Variants in ACAP1 observed in about 807,000 individuals in gnomAD.
ACAP1 encodes the protein arf-GAP with coiled-coil, ANK repeat and PH domain-containing protein 1.
ACAP1 carries 45 observed loss-of-function variants against 98.8 expected under a neutral mutation model. The observed-to-expected ratio is 0.46, with a 90% CI of 0.36 to 0.58. The LOEUF (loss-of-function observed/expected upper bound fraction) is 0.58. ACAP1 is among the 20% of genes least tolerant of loss of function. The pLI is 0.00. For synonymous variants in ACAP1, 362 were observed against 375.3 expected (o/e 0.96, Z 0.41); for missense variants, 735 against 971.4 (o/e 0.76, Z 3.24).
Position 7,350,539 on chromosome 17 carries a change from G to A in ACAP1, c.2072+302G>A. 1 of 481,060 alleles carries A rather than the reference G, an allele frequency of 2.1e-6. No homozygotes were observed. Among genetic ancestry groups the A allele is most frequent in the Non-Finnish European group, 3.7e-6 (1 of 268,118 alleles). 29.8% of individuals were successfully genotyped at this position (481,060 alleles called of 1,614,324 possible). A position where few individuals can be genotyped will look rare whatever the true frequency, so the allele number is the denominator to read the frequency against. On this transcript the variant is annotated intron_variant, in intron 20 of 21. Transcript: ENST00000158762. The surrounding 1 kb of genome is among the most constrained non-coding windows in gnomAD (Gnocchi z 4.6). ...TCTTTTTAGCACTAGACGTGACCCC[G>A]GGGGTGGGGGCAGATGAACGGAACG... is the stretch of plus-strand genomic sequence containing the variant.
At chr17:7,346,125 GAAC>G (rs1436997136) in intron 10 of ACAP1, 116 bp from the exon 11 acceptor site, 4 of 900,014 alleles carry the variant, frequency 4.4e-6, no homozygotes, top group Non-Finnish European at 5.6e-6. Context: ...ATGTCTCGTG[GAAC>G]AGTCAGCCCA....
chr17:7,351,213 T>G (rs1435560019), intron 21 of ACAP1, 82 bp from the exon 22 acceptor site: 23 of 1,264,414 alleles, frequency 1.8e-5, no homozygotes, highest in African/African-American at 3.0e-5. Context: ...GAGCGCGAGG[T>G]CCCCAGGTGG....
In ACAP1 at chr17:7,343,200, C is replaced by T; in HGVS notation, c.345-179C>T. ...CTCTTCCCATGGCCACAGGAGCCTC[C>T]CCAGTGACGGAGTTGTGAGATTGGG... On this transcript the variant is annotated intron_variant, in intron 5 of 21. Transcript: ENST00000158762. This position sits in a 1 kb window ranked among gnomAD's most constrained non-coding sequence, Gnocchi z 4.9. 1.7e-6 allele frequency: 1 copy of T among 590,580 alleles called. No individual in the cohort carries two copies. Among genetic ancestry groups the T allele is most frequent in the Non-Finnish European group, 2.9e-6 (1 of 348,382 alleles). The allele number at this position is 590,580 out of a possible 1,614,324, so 36.6% of individuals were successfully genotyped here.
chr17:7,348,823 G>C (rs2073374134), intron 17 of ACAP1, 172 bp from the exon 18 acceptor site: 1 of 636,184 alleles, frequency 1.6e-6, no homozygotes, highest in Non-Finnish European at 2.7e-6. Flanking sequence ...TCGTACACAT[G>C]CATACGCATA....
chr17:7,337,190 G>A (rs1447432369), intron 1 of ACAP1, 122 bp from the exon 2 acceptor site: 10 of 885,604 alleles, frequency 1.1e-5, no homozygotes, highest in African/African-American at 6.6e-5. Context: ...TGGGTGGGGG[G>A]CGAGCCTCTC....
chr17:7,348,796 C>T, intron 17 of ACAP1, 199 bp from the exon 18 acceptor site: 1 of 598,026 alleles, frequency 1.7e-6, no homozygotes, highest in Non-Finnish European at 2.9e-6. Context: ...GCCGTCTCTC[C>T]CCCACACCCT....
intron 3 of ACAP1, 36 bp downstream of exon 3, chr17:7,342,103 C>T (rs925894701): frequency 3.1e-6 from 5 of 1,611,678 alleles, no homozygotes; most frequent in Non-Finnish European, 4.2e-6. Flanking sequence ...GGGAAGGGGT[C>T]TGGGATGAGG....
In ACAP1 at chr17:7,336,538, T is replaced by A; in HGVS notation, c.-197T>A. 5.7e-5 allele frequency: 31 copies of A among 539,724 alleles called. No homozygotes were observed. The highest frequency in any genetic ancestry group is 5.5e-4 in the Middle Eastern group (1 of 1,804). The allele number at this position is 539,724 out of a possible 1,614,324, so 33.4% of individuals were successfully genotyped here. ...CGCCCCTGCCCCTCCCAGCACTGCC[T>A]GGAAGTGTGGGGTGAGAGCTCCTCC... On this transcript the variant is annotated 5_prime_UTR_variant, in exon 1 of 22. Transcript: ENST00000158762.
intron 21 of ACAP1, 103 bp from the exon 22 acceptor site, chr17:7,351,192 A>T: frequency 8.5e-7 from 1 of 1,170,764 alleles, no homozygotes; most frequent in Non-Finnish European, 1.2e-6. Flanking sequence ...GCACGTTCCC[A>T]CCCAGGCTCG....
At chr17:7,347,816 G>C (rs867731012) in intron 14 of ACAP1, 106 bp from the exon 15 acceptor site, 2 of 916,958 alleles carry the variant, frequency 2.2e-6, no homozygotes, top group Non-Finnish European at 3.5e-6. Flanking sequence ...ACCTCTGCAC[G>C]GGCCCCCATG....
chr17:7,350,461 T>C lies in ACAP1; in HGVS notation c.2072+224T>C. On this transcript the variant is annotated intron_variant, in intron 20 of 21. Coordinates refer to ENST00000158762, the MANE Select transcript of ACAP1 (RefSeq NM_014716.4). This position sits in a 1 kb window ranked among gnomAD's most constrained non-coding sequence, Gnocchi z 4.6. The stretch of plus-strand genomic sequence containing the variant: ...CGGGAGGGCGGGCAGGGTGCAAGGA[T>C]GCTTGGCCCACCCTGAGAGGCGTAA... The C allele has an allele frequency of 3.5e-6, 2 of 578,744 alleles. No homozygotes were observed. The highest frequency in any genetic ancestry group is 5.7e-5 in the East Asian group (2 of 34,886). The allele number at this position is 578,744 out of a possible 1,614,324, so 35.9% of individuals were successfully genotyped here.
chr17:7,347,370 C>T, intron 14 of ACAP1, 128 bp downstream of exon 14: 1 of 977,126 alleles, frequency 1.0e-6, no homozygotes, highest in Non-Finnish European at 1.5e-6. Context: ...CTGGCTTTGT[C>T]ACTGGGTACC....
rs1377606783 is a variant in ACAP1 at position 7,346,790 on chromosome 17, C to A, written c.1008-18C>A. 6.2e-7 allele frequency: 1 copy of A among 1,606,046 alleles called. No homozygotes were observed. Among genetic ancestry groups the A allele is most frequent in the Non-Finnish European group, 8.5e-7 (1 of 1,175,038 alleles). On this transcript the variant is annotated intron_variant, in intron 12 of 21. Coordinates refer to ENST00000158762, the MANE Select transcript of ACAP1 (RefSeq NM_014716.4). ...AGGCCTCAGACCCCTCTGCCATCTCCCTCACCCTCCTACCTAGGTCCTGCC... is the reference window on the plus strand; with the variant it reads ...AGGCCTCAGACCCCTCTGCCATCTCACTCACCCTCCTACCTAGGTCCTGCC...
chr17:7,347,889 A>G, intron 14 of ACAP1, 33 bp from the exon 15 acceptor site: 1 of 1,593,948 alleles, frequency 6.3e-7, no homozygotes, highest in Non-Finnish European at 8.6e-7. Context: ...GCCCCCCTGC[A>G]CAGGGCCTGA....
In ACAP1 at chr17:7,344,410, C is replaced by A. The variant is rs2073327572; in HGVS notation, c.745-129C>A. ...TGGGTGAAAGAACAAGACCCTGTCT[C>A]TAAAAATAAATTTTAAAAAGTATTT... On this transcript the variant is annotated intron_variant, in intron 9 of 21. Transcript: ENST00000158762. This position sits in a 1 kb window ranked among gnomAD's most constrained non-coding sequence, Gnocchi z 4.9. 1 of 748,864 alleles carries A rather than the reference C, an allele frequency of 1.3e-6. No homozygotes were observed. The highest frequency in any genetic ancestry group is 2.2e-6 in the Non-Finnish European group (1 of 458,760). The allele number at this position is 748,864 out of a possible 1,614,324, so 46.4% of individuals were successfully genotyped here.
chr17:7,337,386 G>T lies in ACAP1; in HGVS notation c.111+17G>T. The T allele has an allele frequency of 6.2e-7, 1 of 1,613,496 alleles. No individual in the cohort carries two copies. Among genetic ancestry groups the T allele is most frequent in the Non-Finnish European group, 8.5e-7 (1 of 1,179,400 alleles). The stretch of plus-strand genomic sequence containing the variant: ...CTGGAAAAGGTGACCCTGACATGGA[G>T]AGGTGACCCAGGAGTGGATTAGGTT... On this transcript the variant is annotated intron_variant, in intron 2 of 21. Transcript: ENST00000158762.
chr17:7,344,082 A>G lies in ACAP1; in HGVS notation c.703A>G (p.Lys235Glu), dbSNP rs2073324591. The G allele has an allele frequency of 6.3e-7, 1 of 1,592,306 alleles. No homozygotes were observed. Among genetic ancestry groups the G allele is most frequent in the Admixed American group, 1.7e-5 (1 of 57,196 alleles). ...GCTGGTCTTGAATTCAGCACGAGAG[A>G]AGAGGGACATGGAGCAGAGACACGT... The part of the protein sequence containing the change: ...HQLVLNSARE[K>E]RDMEQRHVLL... The change falls in exon 9 of 22, where the codon AAG becomes GAG. Residue 235 changes from lysine to glutamate, a missense_variant. Coordinates refer to ENST00000158762, the MANE Select transcript of ACAP1 (RefSeq NM_014716.4). This position sits in a 1 kb window ranked among gnomAD's most constrained non-coding sequence, Gnocchi z 4.9.
At chr17:7,347,266 G>T (rs2073355894) in intron 14 of ACAP1, 24 bp downstream of exon 14, 1 of 1,592,890 alleles carries the variant, frequency 6.3e-7, no homozygotes, top group Admixed American at 1.7e-5. Flanking sequence ...GCCCATGCGG[G>T]AGCCCCACTC....
At chr17:7,345,298 ACT>A (rs939651674) in intron 10 of ACAP1, 1 of 147,976 alleles carries the variant, frequency 6.8e-6, no homozygotes, top group African/African-American at 2.5e-5. Context: ...TCCCCAAGAT[ACT>A]CTTTTTTCTT....
Sources: allele counts gnomAD v4.1 joint callset, GRCh38; gene constraint gnomAD v4.1.1; non-coding constraint Gnocchi (gnomAD v3.1); transcripts MANE v1.5; gene names NCBI Gene and HGNC (gene_info 2026-07-23, HGNC 2026-07-21).